ZNF366: variants seen among roughly 807,000 people sequenced by gnomAD.
ZNF366 encodes dendritic cell-specific transcript protein.
ZNF366 carries 20 observed loss-of-function variants against 47.2 expected under a neutral mutation model. The observed-to-expected ratio is 0.42, with a 90% confidence interval of 0.30 to 0.62. The LOEUF is 0.62. Among genes scored for constraint, ZNF366 ranks in the 20% least tolerant of loss-of-function variants. The pLI is 0.16. For missense variants in ZNF366, 987 were observed against 976.3 expected (o/e 1.01, Z -0.15); for synonymous variants, 421 against 395.1 (o/e 1.07, Z -0.78).
intron 2 of ZNF366, among the ~76,000 whole-genome samples, chr5:72,459,803 G>A (rs1743264629): frequency 6.6e-6 from 1 of 152,222 alleles, no homozygotes; most frequent in Non-Finnish European, 1.5e-5. Context: ...CTGATCTAGG[G>A]TCTGATGACT....
chr5:72,449,341 G>T (rs1193591403), intron 3 of ZNF366, among the ~76,000 whole-genome samples: 2 of 151,488 alleles, frequency 1.3e-5, no homozygotes, highest in Admixed American at 6.6e-5. Flanking sequence ...CACTTCCCAG[G>T]TTCAAGTGAT....
intron 3 of ZNF366, 141 bp from the exon 4 acceptor site, chr5:72,447,558 T>A: frequency 1.0e-6 from 1 of 979,294 alleles, no homozygotes; most frequent in Non-Finnish European, 1.5e-6. Flanking sequence ...CATAAGGAAA[T>A]CAGGAAGGAG....
At position 72,465,740 on chromosome 5, in the gene ZNF366, C is replaced by A. The variant is rs553937335; in HGVS notation, c.-14-4230G>T. On this transcript the variant is annotated intron_variant, in intron 1 of 4. Transcript: ENST00000318442. ...TCCCCACCAGAAAGAGTTGAAACAA[C>A]GTGCAAAAAGAAAGAAGAACTGAAA... 2.6e-5 allele frequency among the ~76,000 whole-genome samples: 4 copies of A among 152,186 alleles called. 1 individual carries two copies. The highest frequency in any genetic ancestry group is 9.6e-5 in the African/African-American group (4 of 41,528).
intron 1 of ZNF366, among the ~76,000 whole-genome samples, chr5:72,486,915 T>C (rs914150782): frequency 6.6e-6 from 1 of 152,102 alleles, no homozygotes; most frequent in African/African-American, 2.4e-5. Context: ...GTAGCTGGGA[T>C]TACAGGCGCC....
chr5:72,489,323 G>A (rs890740641), intron 1 of ZNF366, among the ~76,000 whole-genome samples: 1 of 152,130 alleles, frequency 6.6e-6, no homozygotes, highest in African/African-American at 2.4e-5. Context: ...GTCAGTCTAG[G>A]GCCCAAAGGT....
At chr5:72,493,496 C>G (rs574487815) in intron 1 of ZNF366, 2 of 152,202 alleles carry the variant, frequency 1.3e-5, no homozygotes, top group African/African-American at 4.8e-5. Context: ...ATTTTCTAGA[C>G]TTTGATCAAG....
At chr5:72,495,572 G>A (rs896273849) in intron 1 of ZNF366, among the ~76,000 whole-genome samples, 3 of 152,100 alleles carry the variant, frequency 2.0e-5, no homozygotes, top group South Asian at 2.1e-4. Context: ...CCCAATAAAC[G>A]GAGAGTCAAC....
chr5:72,489,426 GTTGT>G (rs1328917979), intron 1 of ZNF366, among the ~76,000 whole-genome samples: 1 of 152,068 alleles, frequency 6.6e-6, no homozygotes, highest in Non-Finnish European at 1.5e-5. Context: ...AGATTTAGGG[GTTGT>G]TTGTTATTGG....
At position 72,460,853 on chromosome 5, in the gene ZNF366, C is replaced by CG. The variant is rs1300205090; in HGVS notation, c.643dup (p.Arg215ProfsTer26). The CG allele has an allele frequency of 6.2e-7, 1 of 1,613,938 alleles. No homozygotes were observed. The highest frequency in any genetic ancestry group is 8.5e-7 in the Non-Finnish European group (1 of 1,179,996). ...CTCGCTCTCCTGGGGCTCGGCTTTC[C>CG]GGGGCAGCAGAGGTTCCGGGGGCTG... On this transcript the variant is annotated frameshift_variant, in exon 2 of 5. Transcript: ENST00000318442. LOFTEE classifies it high-confidence loss of function.
chr5:72,482,403 T>C (rs1743806454), intron 1 of ZNF366, among the ~76,000 whole-genome samples: 1 of 152,142 alleles, frequency 6.6e-6, no homozygotes, highest in African/African-American at 2.4e-5. Context: ...CAGACTATTC[T>C]GACAATAAGG....
At chr5:72,473,050 C>A (rs572374824) in intron 1 of ZNF366, among the ~76,000 whole-genome samples, 2 of 152,290 alleles carry the variant, frequency 1.3e-5, no homozygotes, top group African/African-American at 4.8e-5. Flanking sequence ...TTTCCTAAAC[C>A]TTTCTGCGTT....
intron 1 of ZNF366, among the ~76,000 whole-genome samples, chr5:72,482,327 C>A (rs750306409): frequency 2.0e-5 from 3 of 152,116 alleles, no homozygotes; most frequent in Admixed American, 1.3e-4. Context: ...CTTGATAAAC[C>A]AAAGTAGTCA....
chr5:72,496,458 C>T (rs1744114519), intron 1 of ZNF366, among the ~76,000 whole-genome samples: 1 of 152,146 alleles, frequency 6.6e-6, no homozygotes, highest in Non-Finnish European at 1.5e-5. Flanking sequence ...TCCATTGTTT[C>T]ATATGTCAAT....
intron 1 of ZNF366, among the ~76,000 whole-genome samples, chr5:72,475,189 C>A (rs1371820839): frequency 6.6e-6 from 1 of 152,170 alleles, no homozygotes; most frequent in Non-Finnish European, 1.5e-5. Context: ...ATCCTGAAGC[C>A]CGCAGCCTGA....
rs143307590 is a variant in ZNF366 at position 72,444,686 on chromosome 5, T to C, written c.1700-395A>G. 6.6e-5 allele frequency among the ~76,000 whole-genome samples: 10 copies of C among 152,296 alleles called. 1 individual carries two copies. The South Asian group carries it at 1.7e-3, about 25-fold the overall frequency. ...GAGTTTGGTTAAATAAATAATGATATATCCATATAGCAAATTATGCATAGG... is the reference window on the plus strand; with the variant it reads ...GAGTTTGGTTAAATAAATAATGATACATCCATATAGCAAATTATGCATAGG... On this transcript the variant is annotated intron_variant, in intron 4 of 4. Coordinates refer to ENST00000318442, the MANE Select transcript of ZNF366 (RefSeq NM_152625.3).
chr5:72,450,900 A>G (rs1361537548), intron 3 of ZNF366, among the ~76,000 whole-genome samples: 1 of 152,222 alleles, frequency 6.6e-6, no homozygotes, highest in African/African-American at 2.4e-5. Flanking sequence ...GGGCCAGTGA[A>G]TCACAGTGCT....
rs1742917243 is a variant in ZNF366, at chr5:72,444,279, C to T, written c.1712G>A (p.Gly571Glu). The change falls in exon 5 of 5, where the codon GGG becomes GAG. Residue 571 changes from glycine (G) to glutamate (E), a missense_variant. Gly to Glu is a moderately conservative substitution (Grantham distance 98). Around this residue, in one of 3 missense-constraint regions of ZNF366, gnomAD observed 285 missense variants for 234.8 expected, o/e 1.21. Coordinates refer to ENST00000318442, the MANE Select transcript of ZNF366 (RefSeq NM_152625.3). The stretch of plus-strand genomic sequence containing the variant: ...GGCTGTCTGTGCCAGGGCGATTCTC[C>T]CCCTTCCCAGACCTGCAAGAGCAGA... ...RGLHSQGLGRGRIALAQTAGV... is the reference protein window; with the variant it reads ...RGLHSQGLGRERIALAQTAGV... The T allele has an allele frequency of 6.2e-7, 1 of 1,610,366 alleles. No individual in the cohort carries two copies. Among genetic ancestry groups the T allele is most frequent in the East Asian group, 2.2e-5 (1 of 44,848 alleles).
At chr5:72,449,248 G>GTTTTT (rs34857525) in intron 3 of ZNF366, among the ~76,000 whole-genome samples, 1 of 144,124 alleles carries the variant, frequency 6.9e-6, no homozygotes, top group Non-Finnish European at 1.5e-5. Context: ...TGGCTGAAAG[G>GTTTTT]TTTTTTTTTT....
rs148082239 is a variant in ZNF366, at chr5:72,444,056, G to A, written c.1935C>T (p.Pro645=). The A allele has an allele frequency of 2.0e-5, 33 of 1,614,190 alleles. No homozygotes were observed. Among genetic ancestry groups the A allele is most frequent in the Non-Finnish European group, 2.5e-5 (29 of 1,180,028 alleles). ...GCTCCGACTTGGTGGACAGATCCTC[G>A]GGTGTGCAGAGCTGCTGGCTCTGGG... ...LAPQSQQLCT[P]EDLSTKSEHA... Residue 645 remains proline, a synonymous_variant, in exon 5 of 5, where the codon CCC becomes CCT. Transcript: ENST00000318442.
Sources: gnomAD v4.1 joint callset for allele counts (sites outside exome capture counted in the v4.1 genomes callset) on GRCh38, gnomAD v4.1.1 for gene constraint, gnomAD v4.1.1 regional missense constraint, MANE v1.5 for transcripts, NCBI Gene and HGNC (gene_info 2026-07-23, HGNC 2026-07-21) for gene names.